CC2D2A: variants seen among roughly 807,000 people sequenced by gnomAD.
The protein encoded by CC2D2A is coiled-coil and C2 domain containing 2A.
CC2D2A carries 155 observed loss-of-function variants against 212.9 expected under a neutral mutation model. That is an observed-to-expected ratio of 0.73 (90% CI 0.64 to 0.83). The LOEUF is 0.83. Among genes scored for constraint, CC2D2A ranks in the 40% least tolerant of loss-of-function variants. CC2D2A has a pLI of 0.00. For missense variants in CC2D2A, 1,856 were observed against 1,956.2 expected (o/e 0.95, Z 0.97); for synonymous variants, 667 against 686.5 (o/e 0.97, Z 0.44).
chr4:15,596,151 C>A lies in CC2D2A; in HGVS notation c.4381C>A (p.Leu1461Ile). 3.9e-6 allele frequency: 6 copies of A among 1,549,434 alleles called. No homozygotes were observed. The highest frequency in any genetic ancestry group is 5.2e-6 in the Non-Finnish European group (6 of 1,145,706). The stretch of plus-strand genomic sequence containing the variant: ...AAATTTTGATGTCACCAGGCCCAAG[C>A]TATGGAAATCTTTCTTTTCAAGAAG... ...RINFDVTRPK[L>I]WKSFFSRSLP... is the part of the protein sequence containing the mutation. Residue 1461 changes from leucine (L) to isoleucine (I), a missense_variant, in exon 34 of 37, where the codon CTA becomes ATA. Physicochemically the swap from Leu to Ile is conservative, Grantham distance 5. Around this residue, in one of 5 missense-constraint regions of CC2D2A, gnomAD observed 285 missense variants for 278.4 expected, o/e 1.02. Transcript: ENST00000424120.
At chr4:15,531,265 C>G (rs1717832325) in intron 13 of CC2D2A, among the ~76,000 whole-genome samples, 2 of 152,182 alleles carry the variant, frequency 1.3e-5, no homozygotes, top group Admixed American at 1.3e-4. Flanking sequence ...AACCTCTCAG[C>G]CTGCTCAGTG....
chr4:15,550,845 A>G lies in CC2D2A; in HGVS notation c.2203A>G (p.Ser735Gly), dbSNP rs781504375. Reference sequence around the variant, plus strand: ...TCAGGTCTATGAAACTGTCGGACACAGTAGTCCCACCTTGCTAGCAGAAGT... The same window carrying G: ...TCAGGTCTATGAAACTGTCGGACACGGTAGTCCCACCTTGCTAGCAGAAGT... ...TLQVYETVGHSSPTLLAEVFL... is the reference protein window; with the variant it reads ...TLQVYETVGHGSPTLLAEVFL... Residue 735 changes from serine (S) to glycine (G), a missense_variant, in exon 18 of 37, where the codon AGT becomes GGT. Transcript: ENST00000424120. 1.9e-6 allele frequency: 3 copies of G among 1,586,358 alleles called. No homozygotes were observed. The African/African-American group carries it at 4.0e-5, about 21-fold the overall frequency.
intron 11 of CC2D2A, among the ~76,000 whole-genome samples, chr4:15,526,520 G>C (rs1717519894): frequency 6.6e-6 from 1 of 152,142 alleles, no homozygotes; most frequent in African/African-American, 2.4e-5. Context: ...TTTCTGATTA[G>C]AATTTTTACA....
chr4:15,539,538 T>G (rs1718311582), intron 16 of CC2D2A, among the ~76,000 whole-genome samples: 1 of 152,148 alleles, frequency 6.6e-6, no homozygotes, highest in Non-Finnish European at 1.5e-5. Context: ...TCTGCTAATG[T>G]TCTAATGATT....
chr4:15,491,356 A>G (rs952289177), intron 4 of CC2D2A, among the ~76,000 whole-genome samples: 2 of 151,870 alleles, frequency 1.3e-5, no homozygotes, highest in African/African-American at 4.8e-5. Context: ...TTATTTTTTC[A>G]TATTCTTACT....
At chr4:15,576,181 A>T (rs1414489579) in intron 29 of CC2D2A, among the ~76,000 whole-genome samples, 1 of 152,218 alleles carries the variant, frequency 6.6e-6, no homozygotes, top group African/African-American at 2.4e-5. Context: ...CCCCTATGGA[A>T]GGCAGATTCT....
intron 30 of CC2D2A, among the ~76,000 whole-genome samples, chr4:15,584,956 C>T (rs943718719): frequency 6.6e-6 from 1 of 152,150 alleles, no homozygotes; most frequent in Non-Finnish European, 1.5e-5. Flanking sequence ...CCACCTCACT[C>T]CAGTTAAAAT....
At chr4:15,580,436 G>A (rs1720612678) in intron 30 of CC2D2A, among the ~76,000 whole-genome samples, 1 of 152,146 alleles carries the variant, frequency 6.6e-6, no homozygotes, top group Admixed American at 6.6e-5. Context: ...CCAGGAGTTT[G>A]ACACTAGCCT....
At chr4:15,494,092 A>T (rs1205441250) in intron 4 of CC2D2A, among the ~76,000 whole-genome samples, 2 of 152,190 alleles carry the variant, frequency 1.3e-5, no homozygotes, top group African/African-American at 4.8e-5. Context: ...TCCTAAGTAG[A>T]AACTCCATGT....
intron 1 of CC2D2A, among the ~76,000 whole-genome samples, chr4:15,473,736 G>A (rs1389834354): frequency 6.6e-6 from 1 of 152,158 alleles, no homozygotes; most frequent in Non-Finnish European, 1.5e-5. Context: ...TTTGACCATG[G>A]TGATAACAGT....
intron 2 of CC2D2A, among the ~76,000 whole-genome samples, chr4:15,476,259 A>G (rs2108966206): frequency 1.3e-5 from 2 of 152,354 alleles, no homozygotes; most frequent in Admixed American, 1.3e-4. Flanking sequence ...GATTAGTTAC[A>G]GCTCAGTGTT....
At chr4:15,490,859 A>T (rs1715264277) in intron 4 of CC2D2A, among the ~76,000 whole-genome samples, 1 of 149,284 alleles carries the variant, frequency 6.7e-6, no homozygotes, top group African/African-American at 2.5e-5. Flanking sequence ...CACTGTGAAA[A>T]TCCATGTCCT....
intron 20 of CC2D2A, among the ~76,000 whole-genome samples, chr4:15,556,897 G>C (rs902856815): frequency 6.6e-6 from 1 of 152,206 alleles, no homozygotes; most frequent in African/African-American, 2.4e-5. Context: ...CTGCCTCTGA[G>C]GCCTTTATCT....
At chr4:15,501,718 C>A (rs963016406) in intron 4 of CC2D2A, among the ~76,000 whole-genome samples, 1 of 152,092 alleles carries the variant, frequency 6.6e-6, no homozygotes, top group African/African-American at 2.4e-5. Context: ...ATGGTAGAGC[C>A]ATTTATCACG....
intron 8 of CC2D2A, 126 bp from the exon 9 acceptor site, chr4:15,514,579 CTT>C (rs1319800106): frequency 2.6e-6 from 2 of 778,710 alleles, no homozygotes. Context: ...TATGCTTTCA[CTT>C]TTTTAAAAAA....
intron 18 of CC2D2A, among the ~76,000 whole-genome samples, chr4:15,552,069 T>C (rs1242750344): frequency 1.3e-5 from 2 of 152,186 alleles, no homozygotes; most frequent in African/African-American, 4.8e-5. Context: ...GGATGTTCAA[T>C]ATGAAGGAAA....
intron 34 of CC2D2A, 41 bp from the exon 35 acceptor site, chr4:15,597,366 A>G: frequency 7.4e-7 from 1 of 1,353,404 alleles, no homozygotes; most frequent in Non-Finnish European, 1.0e-6. Context: ...AATTAACTGT[A>G]GGTGATTTTT....
intron 13 of CC2D2A, among the ~76,000 whole-genome samples, chr4:15,531,256 A>C (rs1717832082): frequency 6.6e-6 from 1 of 151,998 alleles, no homozygotes; most frequent in African/African-American, 2.4e-5. Context: ...GTGGAATGGA[A>C]CCTCTCAGCC....
intron 4 of CC2D2A, among the ~76,000 whole-genome samples, chr4:15,499,919 T>C (rs1449912732): frequency 7.2e-6 from 1 of 138,162 alleles, no homozygotes; most frequent in Non-Finnish European, 1.5e-5. Flanking sequence ...CTGGGGACCT[T>C]AGAACCTGGG....
Sources: allele counts gnomAD v4.1 joint callset (sites outside exome capture counted in the v4.1 genomes callset), GRCh38; gene constraint gnomAD v4.1.1; regional missense constraint gnomAD v4.1.1; transcripts MANE v1.5; gene names NCBI Gene and HGNC (gene_info 2026-07-23, HGNC 2026-07-21).